Variants in PCLO observed in about 807,000 individuals in gnomAD.
PCLO encodes protein piccolo.
Under a neutral mutation model 427.5 loss-of-function variants are expected in PCLO, and 82 were observed. The ratio of observed to expected loss-of-function variants is 0.19; its 90% confidence interval spans 0.16 to 0.23. The LOEUF is 0.23. PCLO is among the 10% of genes least tolerant of loss of function. The pLI, the probability that PCLO is intolerant of heterozygous loss-of-function variation, is 1.00. For missense variants in PCLO, 6,239 were observed against 6,115.9 expected (o/e 1.02, Z -0.67); for synonymous variants, 2,357 against 2,155.4 (o/e 1.09, Z -2.59).
At chr7:83,123,373 G>T (rs369691568) in intron 3 of PCLO, among the ~76,000 whole-genome samples, 1 of 152,044 alleles carries the variant, frequency 6.6e-6, no homozygotes, top group Non-Finnish European at 1.5e-5. Context: ...TATACCTTGG[G>T]GAAAGTGTAT....
intron 13 of PCLO, among the ~76,000 whole-genome samples, chr7:82,842,165 G>C (rs1246692647): frequency 6.6e-6 from 1 of 152,082 alleles, no homozygotes; most frequent in Admixed American, 6.6e-5. Context: ...AGTAATCAAA[G>C]CAGCATGGTA....
At chr7:82,829,620 AG>A (rs1792041452) in intron 16 of PCLO, among the ~76,000 whole-genome samples, 1 of 152,158 alleles carries the variant, frequency 6.6e-6, no homozygotes, top group Admixed American at 6.6e-5. Context: ...ATTTAAAGAA[AG>A]AGGAGCTCTC....
intron 20 of PCLO, chr7:82,822,242 T>G (rs1044639): frequency 0.43 from 574,347 of 1,340,866 alleles, 129,525 homozygotes; most frequent in East Asian, 0.66. Flanking sequence ...TCAAATGCTA[T>G]GAGCCAGGTT....
At chr7:83,006,182 C>T (rs1167383563) in intron 3 of PCLO, among the ~76,000 whole-genome samples, 2 of 151,616 alleles carry the variant, frequency 1.3e-5, no homozygotes, top group Non-Finnish European at 3.0e-5. Flanking sequence ...ATAATTTACT[C>T]TATACCATTT....
intron 20 of PCLO, chr7:82,822,163 A>G (rs1353716612): frequency 9.1e-6 from 10 of 1,099,504 alleles, no homozygotes; most frequent in Non-Finnish European, 1.1e-5. Flanking sequence ...CTGTATTCTA[A>G]AAGATATTTA....
chr7:82,913,920 A>C (rs574645800), intron 7 of PCLO, among the ~76,000 whole-genome samples: 1 of 152,212 alleles, frequency 6.6e-6, no homozygotes, highest in African/African-American at 2.4e-5. Flanking sequence ...CAAATCAGGA[A>C]GGTTTGAACT....
chr7:82,967,771 A>AT (rs1795812474), intron 3 of PCLO, among the ~76,000 whole-genome samples: 1 of 152,170 alleles, frequency 6.6e-6, no homozygotes, highest in African/African-American at 2.4e-5. Context: ...TGTGTGTTGC[A>AT]TTTTTTCTTA....
intron 3 of PCLO, among the ~76,000 whole-genome samples, chr7:83,013,617 A>G (rs564368023): frequency 7.2e-5 from 11 of 152,334 alleles, no homozygotes; most frequent in Non-Finnish European, 1.3e-4. Flanking sequence ...CTGACCAGGA[A>G]GATTTCACAG....
At chr7:82,801,699 A>C (rs1791357382) in intron 21 of PCLO, 108 bp from the exon 22 acceptor site, 3 of 662,390 alleles carry the variant, frequency 4.5e-6, no homozygotes, top group Admixed American at 5.6e-5. Flanking sequence ...CAAAACCTGC[A>C]ATTACTTTTG....
At chr7:83,148,032 C>T (rs895555188) in intron 2 of PCLO, among the ~76,000 whole-genome samples, 1 of 152,080 alleles carries the variant, frequency 6.6e-6, no homozygotes, top group Admixed American at 6.6e-5. Context: ...GAAATAGCTC[C>T]TTATGCTGTG....
chr7:83,065,069 AAAGAG>A (rs945918791), intron 3 of PCLO, among the ~76,000 whole-genome samples: 2 of 151,868 alleles, frequency 1.3e-5, no homozygotes, highest in African/African-American at 4.8e-5. Context: ...AAAAAAAAAA[AAAGAG>A]AGACTAAGTG....
Position 82,758,304 on chromosome 7 carries a change from C to A in PCLO, c.*271G>T. The A allele has an allele frequency of 3.4e-6, 1 of 296,178 alleles. No individual in the cohort carries two copies. Among genetic ancestry groups the A allele is most frequent in the South Asian group, 8.9e-5 (1 of 11,182 alleles). The allele number at this position is 296,178 out of a possible 1,614,324, so 18.3% of individuals were successfully genotyped here. On this transcript the variant is annotated 3_prime_UTR_variant, in exon 25 of 25. Coordinates refer to ENST00000333891, the MANE Select transcript of PCLO (RefSeq NM_033026.6). ...CTCAAAGATTATTGTCTTAAGTAAT[C>A]AAAATTTGTTTCACAGTTTCTCTTC...
chr7:82,873,179 G>GTTT (rs59328364), intron 10 of PCLO, among the ~76,000 whole-genome samples: 5 of 110,102 alleles, frequency 4.5e-5, no homozygotes, highest in Non-Finnish European at 5.4e-5. Context: ...TATTCTGTAA[G>GTTT]TTTTTTTTTT....
chr7:83,161,668 C>T (rs1283992751), intron 1 of PCLO, among the ~76,000 whole-genome samples: 1 of 152,180 alleles, frequency 6.6e-6, no homozygotes, highest in Non-Finnish European at 1.5e-5. Context: ...CTGAAGGCCA[C>T]TTTTGCATAA....
At chr7:82,883,025 A>T (rs141375121) in intron 9 of PCLO, among the ~76,000 whole-genome samples, 1 of 152,258 alleles carries the variant, frequency 6.6e-6, no homozygotes, top group Non-Finnish European at 1.5e-5. Context: ...ATACTTGTTT[A>T]ATTTCAATAC....
At position 82,758,004 on chromosome 7, in the gene PCLO, A is replaced by T. The variant is rs1337465440; in HGVS notation, c.*571T>A. 6.6e-6 allele frequency: 1 copy of T among 152,008 alleles called. No homozygotes were observed. The highest frequency in any genetic ancestry group is 1.5e-5 in the Non-Finnish European group (1 of 67,956). 9.4% of individuals were successfully genotyped at this position (152,008 alleles called of 1,614,324 possible). A position where few individuals can be genotyped will look rare whatever the true frequency, so the allele number is the denominator to read the frequency against. On this transcript the variant is annotated 3_prime_UTR_variant, in exon 25 of 25. Transcript: ENST00000333891. ...GGTAAAATATGGCCTGAAAGCCACA[A>T]TTTCTACATCTCCTCTTCCATTTTC...
intron 3 of PCLO, among the ~76,000 whole-genome samples, chr7:83,016,894 T>C (rs28156): frequency 0.48 from 72,481 of 151,934 alleles, 19,643 homozygotes; most frequent in Middle Eastern, 0.7. Flanking sequence ...CTAGGACAGA[T>C]AGCAGAGCCA....
rs1278660961 is a variant in PCLO at position 83,134,534 on chromosome 7, C to T, written c.3016G>A (p.Glu1006Lys). 1.9e-6 allele frequency: 3 copies of T among 1,613,622 alleles called. No individual in the cohort carries two copies. Among genetic ancestry groups the T allele is most frequent in the African/African-American group, 2.7e-5 (2 of 74,832 alleles). ...TGTTCAGCTTTGGGCTCTAATTTTT[C>T]AGCTGCTGGGGCTTTTGTTTCCTTT... The part of the protein sequence containing the change: ...VKKETKAPAA[E>K]KLEPKAEQAP... The change falls in exon 3 of 25, where the codon GAA (glutamate) becomes AAA (lysine). Residue 1006 changes from glutamate to lysine, a missense_variant. Transcript: ENST00000333891.
At chr7:83,142,030 TGCCC>T (rs1791874260) in intron 2 of PCLO, among the ~76,000 whole-genome samples, 2 of 151,592 alleles carry the variant, frequency 1.3e-5, no homozygotes, top group South Asian at 4.2e-4. Context: ...ATGGAAGCCC[TGCCC>T]CCCTCCCCCC....
Sources: gnomAD v4.1 joint callset for allele counts (sites outside exome capture counted in the v4.1 genomes callset) on GRCh38, gnomAD v4.1.1 for gene constraint, MANE v1.5 for transcripts, NCBI Gene and HGNC (gene_info 2026-07-23, HGNC 2026-07-21) for gene names.